VIL1: variants seen among roughly 807,000 people sequenced by gnomAD.
VIL1 encodes villin 1, also known as villin-1.
A neutral mutation model predicts 104.0 loss-of-function variants in VIL1; 86 were observed. The observed-to-expected ratio is 0.83, with a 90% CI of 0.69 to 0.99. The LOEUF (loss-of-function observed/expected upper bound fraction) is 0.99. Ranked by LOEUF, VIL1 falls within the 50% of genes least tolerant of loss-of-function variation. The probability of loss-of-function intolerance (pLI) is 0.00; values close to 1 mark genes in which losing one functional copy is unlikely to be tolerated. For missense variants in VIL1, 944 were observed against 1,054.1 expected (o/e 0.90, Z 1.45); for synonymous variants, 394 against 412.6 (o/e 0.95, Z 0.55).
intron 17 of VIL1, 103 bp from the exon 18 acceptor site, chr2:218,438,555 T>G: frequency 9.2e-7 from 1 of 1,084,858 alleles, no homozygotes; most frequent in South Asian, 1.4e-5. Context: ...TTCTTACCAC[T>G]AGGCCCCAGA....
chr2:218,435,229 G>T, intron 14 of VIL1, 60 bp from the exon 15 acceptor site: 4 of 1,585,204 alleles, frequency 2.5e-6, no homozygotes, highest in Non-Finnish European at 3.4e-6. Context: ...GGCAGTGAAT[G>T]TAGTAGGAGG....
At chr2:218,436,992 G>A in intron 16 of VIL1, 132 bp from the exon 17 acceptor site, 1 of 1,094,216 alleles carries the variant, frequency 9.1e-7, no homozygotes, top group South Asian at 1.5e-5. Flanking sequence ...GATGATGCCT[G>A]CCCTAGGTCA....
intron 19 of VIL1, among the ~76,000 whole-genome samples, chr2:218,445,223 G>A (rs189548600): frequency 1.3e-5 from 2 of 152,206 alleles, no homozygotes; most frequent in Admixed American, 1.3e-4. Flanking sequence ...AACAAAGTGA[G>A]ACCCTGTCTC....
chr2:218,441,386 C>CA (rs936489879), intron 19 of VIL1, among the ~76,000 whole-genome samples: 2 of 129,318 alleles, frequency 1.5e-5, no homozygotes, highest in Non-Finnish European at 1.6e-5. Context: ...GAGACTGTCT[C>CA]AAAAAAAGAA....
chr2:218,449,005 GA>G (rs11320086), intron 19 of VIL1, among the ~76,000 whole-genome samples: 46,521 of 147,654 alleles, frequency 0.32, 7,925 homozygotes, highest in Non-Finnish European at 0.39. Flanking sequence ...ACATGGTCTG[GA>G]AAAAAAAAAA....
intron 19 of VIL1, among the ~76,000 whole-genome samples, chr2:218,441,667 A>G (rs950956392): frequency 3.3e-5 from 5 of 152,008 alleles, no homozygotes; most frequent in African/African-American, 1.2e-4. Flanking sequence ...GAAGGGGAGT[A>G]TCATTATGGT....
rs2106399722 is a variant in VIL1 at position 218,450,576 on chromosome 2, T to C, written c.*1240T>C. On this transcript the variant is annotated 3_prime_UTR_variant, in exon 20 of 20. Coordinates refer to ENST00000248444, the MANE Select transcript of VIL1 (RefSeq NM_007127.3). ...AACAATGACAATAGGCCAGAGAAGT[T>C]AGGGAGGGAAAGAAAAGCTCAAAGG... is the stretch of plus-strand genomic sequence containing the variant. 6.5e-6 allele frequency: 1 copy of C among 152,684 alleles called. No individual in the cohort carries two copies. The highest frequency in any genetic ancestry group is 2.4e-5 in the African/African-American group (1 of 41,566). 9.5% of individuals were successfully genotyped at this position (152,684 alleles called of 1,614,324 possible).
At chr2:218,437,410 C>T in intron 17 of VIL1, 98 bp downstream of exon 17, 1 of 1,436,394 alleles carries the variant, frequency 7.0e-7, no homozygotes, top group East Asian at 2.4e-5. Context: ...ATATGACCTG[C>T]TGATTTAGAA....
intron 3 of VIL1, among the ~76,000 whole-genome samples, chr2:218,424,933 T>A (rs1259296007): frequency 6.6e-6 from 1 of 152,174 alleles, no homozygotes; most frequent in African/African-American, 2.4e-5. Flanking sequence ...ATGCTGGGAT[T>A]ACAGGCATGA....
intron 9 of VIL1, 26 bp downstream of exon 9, chr2:218,429,973 C>A: frequency 6.3e-7 from 1 of 1,578,300 alleles, no homozygotes; most frequent in South Asian, 1.1e-5. Context: ...GGGGAGGGTC[C>A]AGGAGGAGGG....
At chr2:218,429,525 T>C (rs779520718) in intron 7 of VIL1, 38 bp downstream of exon 7, 1 of 1,613,482 alleles carries the variant, frequency 6.2e-7, no homozygotes, top group Non-Finnish European at 8.5e-7. Context: ...TGCTGGGGAC[T>C]CCCTGGGAGA....
At chr2:218,429,716 C>G (rs752421368) in intron 8 of VIL1, 41 bp downstream of exon 8, 1 of 1,611,224 alleles carries the variant, frequency 6.2e-7, no homozygotes, top group African/African-American at 1.3e-5. Context: ...TGCAGCCTGG[C>G]CCCCTTTCCC....
chr2:218,428,200 G>A, intron 5 of VIL1, 27 bp from the exon 6 acceptor site: 2 of 1,610,840 alleles, frequency 1.2e-6, no homozygotes, highest in Non-Finnish European at 1.7e-6. Flanking sequence ...TCTGAGTGGG[G>A]TCTGTGCCTC....
At chr2:218,440,349 A>T in intron 18 of VIL1, among the ~76,000 whole-genome samples, 1 of 152,184 alleles carries the variant, frequency 6.6e-6, no homozygotes, top group East Asian at 1.9e-4. Context: ...AGCTCACTGC[A>T]ACCTCCACCT....
chr2:218,440,958 G>A, intron 19 of VIL1, 96 bp downstream of exon 19: 1 of 1,465,116 alleles, frequency 6.8e-7, no homozygotes. Context: ...AGGTGCTGGG[G>A]ATGAACAAGA....
At chr2:218,440,605 G>A in intron 18 of VIL1, 117 bp from the exon 19 acceptor site, 3 of 1,215,508 alleles carry the variant, frequency 2.5e-6, no homozygotes, top group Non-Finnish European at 3.5e-6. Context: ...TGGCAGGGTG[G>A]GGTGGGACAT....
rs755348665 is a variant in VIL1 at position 218,428,022 on chromosome 2, C to T, written c.405C>T (p.Asp135=). Residue 135 remains aspartate, a synonymous_variant, in exon 5 of 20, where the codon GAC becomes GAT. Transcript: ENST00000248444. ...GMKHVETNSY[D]VQRLLHVKGK... is the part of the protein sequence containing the mutation. ...AGCACGTGGAGACCAACTCCTATGA[C>T]GTCCAGAGGCTGCTGCATGTCAAGG... 24 of 1,614,126 alleles carry T rather than the reference C, an allele frequency of 1.5e-5. No individual in the cohort carries two copies. Among genetic ancestry groups the T allele is most frequent in the South Asian group, 4.4e-5 (4 of 91,092 alleles).
intron 10 of VIL1, 126 bp downstream of exon 10, chr2:218,431,004 G>T: frequency 7.7e-7 from 1 of 1,298,040 alleles, no homozygotes; most frequent in Non-Finnish European, 1.1e-6. Context: ...CGCTGGCTCT[G>T]GGCTTGTCCT....
In VIL1 at chr2:218,440,746, G is replaced by A. The variant is rs763714639; in HGVS notation, c.2254G>A (p.Val752Met). ...TAEVTSPKVD[V>M]FNANSNLSSG... is the part of the protein sequence containing the mutation. The stretch of plus-strand genomic sequence containing the variant: ...GGAGGTCACAAGCCCCAAAGTGGAC[G>A]TGTTCAATGCTAACAGCAACCTCAG... The change falls in exon 19 of 20, where the codon GTG (valine) becomes ATG (methionine). Residue 752 changes from valine to methionine, a missense_variant. By Grantham distance (21) the Val-to-Met change is conservative. Coordinates refer to ENST00000248444, the MANE Select transcript of VIL1 (RefSeq NM_007127.3). The A allele has an allele frequency of 1.3e-5, 21 of 1,614,140 alleles. No individual in the cohort carries two copies. The highest frequency in any genetic ancestry group is 2.2e-5 in the East Asian group (1 of 44,880).
Sources: gnomAD v4.1 joint callset for allele counts (sites outside exome capture counted in the v4.1 genomes callset) on GRCh38, gnomAD v4.1.1 for gene constraint, MANE v1.5 for transcripts, NCBI Gene and HGNC (gene_info 2026-07-23, HGNC 2026-07-21) for gene names.